Variants in PSEN1 observed in about 807,000 individuals in gnomAD.
The protein encoded by PSEN1 is presenilin-1.
Under a neutral mutation model 53.5 loss-of-function variants are expected in PSEN1, and 15 were observed. That is an observed-to-expected ratio of 0.28 (90% CI 0.19 to 0.43). The LOEUF (loss-of-function observed/expected upper bound fraction) is 0.43. Ranked by LOEUF, PSEN1 falls within the 20% of genes least tolerant of loss-of-function variation. PSEN1 has a pLI of 1.00. For synonymous variants in PSEN1, 208 were observed against 209.8 expected (o/e 0.99, Z 0.08); for missense variants, 387 against 571.2 (o/e 0.68, Z 3.29).
chr14:73,159,868 G>C (rs1759713551), intron 3 of PSEN1: 2 of 153,288 alleles, frequency 1.3e-5, no homozygotes, highest in African/African-American at 4.8e-5. Context: ...CGTTGCCCAG[G>C]CTAGAGTGCA....
At chr14:73,164,502 C>T (rs1017358332) in intron 3 of PSEN1, among the ~76,000 whole-genome samples, 8 of 152,178 alleles carry the variant, frequency 5.3e-5, no homozygotes, top group South Asian at 4.1e-4. Context: ...CCGTGAGATA[C>T]GTCTTTGAAG....
At chr14:73,186,664 C>A (rs1426309747) in intron 5 of PSEN1, among the ~76,000 whole-genome samples, 189 bp from the exon 6 acceptor site, 1 of 152,088 alleles carries the variant, frequency 6.6e-6, no homozygotes, top group Non-Finnish European at 1.5e-5. Context: ...GTGGTTCCAC[C>A]TACTCAGGAG....
intron 7 of PSEN1, among the ~76,000 whole-genome samples, chr14:73,196,794 G>A (rs927708467): frequency 4.6e-5 from 7 of 151,922 alleles, no homozygotes; most frequent in African/African-American, 1.4e-4. Context: ...ATTTTTAAAT[G>A]TAAATGCATT....
At chr14:73,209,252 G>A (rs1899582512) in intron 9 of PSEN1, among the ~76,000 whole-genome samples, 1 of 152,216 alleles carries the variant, frequency 6.6e-6, no homozygotes, top group Non-Finnish European at 1.5e-5. Flanking sequence ...AGCTCACAGA[G>A]CATGCTGCCC....
intron 1 of PSEN1, among the ~76,000 whole-genome samples, chr14:73,137,822 G>C (rs1896789042): frequency 1.3e-5 from 2 of 152,148 alleles, no homozygotes; most frequent in African/African-American, 4.8e-5. Flanking sequence ...GGTGGCTCAC[G>C]CCTGTAATCC....
At chr14:73,151,000 G>A (rs1256191894) in intron 3 of PSEN1, among the ~76,000 whole-genome samples, 18 of 151,710 alleles carry the variant, frequency 1.2e-4, no homozygotes, top group Non-Finnish European at 1.5e-4. Context: ...CCTGGGAGGC[G>A]GAGCTTGCAG....
At chr14:73,215,194 C>G (rs1899863245) in intron 10 of PSEN1, among the ~76,000 whole-genome samples, 1 of 151,908 alleles carries the variant, frequency 6.6e-6, no homozygotes, top group Non-Finnish European at 1.5e-5. Context: ...CTCCTGACCT[C>G]AAGTGATCTG....
intron 11 of PSEN1, 26 bp from the exon 12 acceptor site, chr14:73,219,106 ATG>A: frequency 6.2e-7 from 1 of 1,611,528 alleles, no homozygotes; most frequent in Non-Finnish European, 8.5e-7. Context: ...TTATGTGTGA[ATG>A]TGTGTCTTTC....
intron 9 of PSEN1, among the ~76,000 whole-genome samples, chr14:73,206,739 ATTTTGT>A (rs1270660152): frequency 6.6e-6 from 1 of 152,164 alleles, no homozygotes; most frequent in East Asian, 1.9e-4. Flanking sequence ...TGAGGTTATG[ATTTTGT>A]TTTTGTTTTT....
At chr14:73,162,095 C>T (rs1286818533) in intron 3 of PSEN1, among the ~76,000 whole-genome samples, 2 of 150,694 alleles carry the variant, frequency 1.3e-5, no homozygotes, top group African/African-American at 4.9e-5. Context: ...AGGAGAATCA[C>T]TCTAACCTGG....
At chr14:73,157,968 AGAGT>A (rs939052110) in intron 3 of PSEN1, among the ~76,000 whole-genome samples, 1 of 152,064 alleles carries the variant, frequency 6.6e-6, no homozygotes, top group African/African-American at 2.4e-5. Flanking sequence ...CCTGGGCAAC[AGAGT>A]GAGTCTCTGT....
chr14:73,146,122 C>T (rs570255516), intron 1 of PSEN1: 12 of 148,590 alleles, frequency 8.1e-5, no homozygotes, highest in African/African-American at 2.7e-4. Context: ...AAGACAGGAA[C>T]AAAGGTATCG....
At chr14:73,195,215 C>T (rs531842642) in intron 7 of PSEN1, among the ~76,000 whole-genome samples, 2 of 152,222 alleles carry the variant, frequency 1.3e-5, no homozygotes, top group South Asian at 4.1e-4. Context: ...CTTTGTTGCC[C>T]AGGCTGGAGT....
At chr14:73,193,088 A>T (rs1434698978) in intron 7 of PSEN1, among the ~76,000 whole-genome samples, 1 of 152,060 alleles carries the variant, frequency 6.6e-6, no homozygotes, top group Non-Finnish European at 1.5e-5. Flanking sequence ...AGGCGGGCAG[A>T]TCACCTAAGC....
At chr14:73,161,354 G>T (rs1897531685) in intron 3 of PSEN1, among the ~76,000 whole-genome samples, 1 of 151,928 alleles carries the variant, frequency 6.6e-6, no homozygotes, top group South Asian at 2.1e-4. Context: ...TAGAAATTTG[G>T]TGTAGGCCCA....
chr14:73,207,434 G>GA (rs977791569), intron 9 of PSEN1, among the ~76,000 whole-genome samples: 7 of 152,026 alleles, frequency 4.6e-5, no homozygotes, highest in African/African-American at 1.7e-4. Context: ...TATTGGTGAG[G>GA]AAAAAAAGGC....
chr14:73,179,324 G>T (rs563472748), intron 5 of PSEN1, among the ~76,000 whole-genome samples: 6 of 152,202 alleles, frequency 3.9e-5, no homozygotes, highest in Middle Eastern at 6.8e-3. Flanking sequence ...ATGGAGAAAA[G>T]CGGAAAAGAA....
intron 8 of PSEN1, among the ~76,000 whole-genome samples, chr14:73,201,496 GA>G (rs1899187985): frequency 6.6e-6 from 1 of 152,238 alleles, no homozygotes; most frequent in African/African-American, 2.4e-5. Flanking sequence ...AGTTTCAGTA[GA>G]GTGATAGAAC....
At chr14:73,149,335 A>T (rs1175684634) in intron 3 of PSEN1, among the ~76,000 whole-genome samples, 19 of 149,670 alleles carry the variant, frequency 1.3e-4, no homozygotes, top group African/African-American at 4.2e-4. Context: ...TTTTTTTTTT[A>T]ATTTTCCCAC....
Sources: allele counts gnomAD v4.1 joint callset (sites outside exome capture counted in the v4.1 genomes callset), GRCh38; gene constraint gnomAD v4.1.1; transcripts MANE v1.5; gene names NCBI Gene and HGNC (gene_info 2026-07-23, HGNC 2026-07-21).